The following NFAT5 variants were observed in gnomAD, a reference collection of about 807,000 sequenced individuals.
NFAT5 encodes the protein nuclear factor of activated T cells 5, also known as nuclear factor of activated T-cells 5.
In NFAT5, 31 loss-of-function variants were observed where a neutral mutation model predicts 166.5. That is an observed-to-expected ratio of 0.19 (90% CI 0.14 to 0.25). The LOEUF is 0.25. Ranked by LOEUF, NFAT5 falls within the 10% of genes least tolerant of loss-of-function variation. The pLI is 1.00. For missense variants in NFAT5, 1,449 were observed against 1,821.8 expected (o/e 0.80, Z 3.72); for synonymous variants, 612 against 639.7 (o/e 0.96, Z 0.65).
intron 4 of NFAT5, among the ~76,000 whole-genome samples, chr16:69,651,681 T>TC (rs1392608113): frequency 6.7e-6 from 1 of 150,266 alleles, no homozygotes; most frequent in Non-Finnish European, 1.5e-5. Context: ...ATTTTTTTTT[T>TC]TTTTTTGAGA....
At chr16:69,652,157 T>G (rs561673057) in intron 4 of NFAT5, among the ~76,000 whole-genome samples, 1 of 151,662 alleles carries the variant, frequency 6.6e-6, no homozygotes, top group South Asian at 2.1e-4. Context: ...AAAGCATAAC[T>G]AAAAAAAATA....
intron 2 of NFAT5, among the ~76,000 whole-genome samples, chr16:69,599,769 GAC>G (rs1269072867): frequency 2.0e-5 from 3 of 152,146 alleles, no homozygotes; most frequent in African/African-American, 7.2e-5. Context: ...CAAGTACAAA[GAC>G]ATCAAGGCTG....
intron 2 of NFAT5, among the ~76,000 whole-genome samples, chr16:69,594,191 G>A (rs546153540): frequency 2.0e-5 from 3 of 152,316 alleles, no homozygotes; most frequent in South Asian, 2.1e-4. Context: ...ATCATAGGGT[G>A]TACTTACACA....
At chr16:69,649,441 T>C in intron 4 of NFAT5, 1 of 984,706 alleles carries the variant, frequency 1.0e-6, no homozygotes, top group African/African-American at 1.7e-5. Flanking sequence ...GTATGATAGC[T>C]ATATCTTAGA....
chr16:69,643,166 C>T (rs1014536471), intron 3 of NFAT5, among the ~76,000 whole-genome samples: 6 of 147,028 alleles, frequency 4.1e-5, no homozygotes, highest in Non-Finnish European at 4.4e-5. Flanking sequence ...TCCAGTGAGC[C>T]GAGATCGCGC....
At position 69,672,327 on chromosome 16, in the gene NFAT5, A is replaced by G. The variant is rs1160386216; in HGVS notation, c.1557+2039A>G. On this transcript the variant is annotated intron_variant, in intron 9 of 14. Coordinates refer to ENST00000349945, the MANE Select transcript of NFAT5 (RefSeq NM_138713.4). ...TTGAAGTTTTAATACCTGCTTTGTC[A>G]TTAGCAATCTGTGTTAACTAAGTAA... Among the ~76,000 whole-genome samples the G allele has an allele frequency of 3.9e-5, 6 of 152,248 alleles. 1 individual carries two copies. Among genetic ancestry groups the G allele is most frequent in the Middle Eastern group, 6.3e-3 (2 of 316 alleles).
At chr16:69,620,913 T>C (rs560992618) in intron 2 of NFAT5, among the ~76,000 whole-genome samples, 7 of 152,388 alleles carry the variant, frequency 4.6e-5, no homozygotes, top group African/African-American at 1.7e-4. Flanking sequence ...AGTTGTGATA[T>C]AACCACCTTC....
chr16:69,598,633 A>G (rs1020088157), intron 2 of NFAT5, among the ~76,000 whole-genome samples: 1 of 152,198 alleles, frequency 6.6e-6, no homozygotes, highest in South Asian at 2.1e-4. Flanking sequence ...GCACTAAGCT[A>G]TATGCTGGGG....
chr16:69,604,326 G>T (rs2033291137), intron 2 of NFAT5, among the ~76,000 whole-genome samples: 1 of 152,146 alleles, frequency 6.6e-6, no homozygotes, highest in South Asian at 2.1e-4. Context: ...GTGCTCAATT[G>T]AATTTTCTTT....
intron 7 of NFAT5, among the ~76,000 whole-genome samples, chr16:69,666,690 G>A (rs1031268779): frequency 4.6e-5 from 7 of 151,932 alleles, no homozygotes; most frequent in African/African-American, 1.7e-4. Context: ...TGGAGAGGAT[G>A]TGGAGAAATA....
chr16:69,675,026 T>C (rs1459032354), intron 9 of NFAT5, among the ~76,000 whole-genome samples: 2 of 152,210 alleles, frequency 1.3e-5, no homozygotes, highest in Non-Finnish European at 2.9e-5. Flanking sequence ...AAAATAGCTT[T>C]TGATCACTAG....
rs893970816 is a variant in NFAT5 at position 69,699,509 on chromosome 16, C to G, written c.*3158C>G. On this transcript the variant is annotated 3_prime_UTR_variant, in exon 15 of 15. Coordinates refer to ENST00000349945, the MANE Select transcript of NFAT5 (RefSeq NM_138713.4). Reference sequence around the variant, plus strand: ...TTACATTGTTAAATGTTCCTTACCCCTAAAGGTCAATGTTAAGTACAACAT... The same window carrying G: ...TTACATTGTTAAATGTTCCTTACCCGTAAAGGTCAATGTTAAGTACAACAT... 2 of 152,572 alleles carry G rather than the reference C, an allele frequency of 1.3e-5. No homozygotes were observed. The highest frequency in any genetic ancestry group is 2.9e-5 in the Non-Finnish European group (2 of 68,038). 9.5% of individuals were successfully genotyped at this position (152,572 alleles called of 1,614,324 possible). A position where few individuals can be genotyped will look rare whatever the true frequency, so the allele number is the denominator to read the frequency against.
intron 3 of NFAT5, among the ~76,000 whole-genome samples, chr16:69,641,652 C>A (rs1041860239): frequency 1.3e-5 from 2 of 152,048 alleles, no homozygotes; most frequent in Middle Eastern, 3.4e-3. Flanking sequence ...TAAAGTATAT[C>A]TTTTTTATGA....
chr16:69,641,542 GT>G (rs1401763699), intron 3 of NFAT5, among the ~76,000 whole-genome samples: 1 of 151,952 alleles, frequency 6.6e-6, no homozygotes, highest in African/African-American at 2.4e-5. Flanking sequence ...TATCATTTCT[GT>G]CATATATTTT....
At chr16:69,601,390 C>G (rs546113535) in intron 2 of NFAT5, among the ~76,000 whole-genome samples, 1 of 152,236 alleles carries the variant, frequency 6.6e-6, no homozygotes, top group Non-Finnish European at 1.5e-5. Context: ...ATTTTTGAGA[C>G]AGAGTCTCTC....
chr16:69,681,941 A>C (rs2037078852), intron 10 of NFAT5, among the ~76,000 whole-genome samples: 1 of 151,604 alleles, frequency 6.6e-6, no homozygotes, highest in Non-Finnish European at 1.5e-5. Context: ...AAAAGAAAGA[A>C]AAGAAAATCT....
intron 3 of NFAT5, among the ~76,000 whole-genome samples, chr16:69,632,951 A>G (rs1026974940): frequency 6.6e-6 from 1 of 152,152 alleles, no homozygotes; most frequent in Non-Finnish European, 1.5e-5. Context: ...CTTCTATCTT[A>G]TTATACTGAA....
rs1020152334 is a variant in NFAT5, at chr16:69,605,904, G to A, written c.128-20499G>A. On this transcript the variant is annotated intron_variant, in intron 2 of 14. Coordinates refer to ENST00000349945, the MANE Select transcript of NFAT5 (RefSeq NM_138713.4). ...AATTTTTTGTATTTTTAGTAGAGAC[G>A]GGGTTTCACCTTGTTAGCCAGGATG... Among the ~76,000 whole-genome samples the A allele has an allele frequency of 3.4e-4, 52 of 152,174 alleles. 1 individual carries two copies. The highest frequency in any genetic ancestry group is 1.2e-3 in the African/African-American group (50 of 41,524).
chr16:69,668,410 C>T (rs2036490800), intron 7 of NFAT5, among the ~76,000 whole-genome samples: 1 of 152,142 alleles, frequency 6.6e-6, no homozygotes, highest in South Asian at 2.1e-4. Flanking sequence ...CGAAGTGTTT[C>T]AGGTTTTGAA....
Sources: allele counts gnomAD v4.1 joint callset (sites outside exome capture counted in the v4.1 genomes callset), GRCh38; gene constraint gnomAD v4.1.1; transcripts MANE v1.5; gene names NCBI Gene and HGNC (gene_info 2026-07-23, HGNC 2026-07-21).